The following ST14 variants were observed in gnomAD, a reference collection of about 807,000 sequenced individuals.
ST14 encodes the protein suppressor of tumorigenicity 14 protein.
ST14 carries 40 observed loss-of-function variants against 96.5 expected under a neutral mutation model. The observed-to-expected ratio is 0.41, with a 90% CI of 0.32 to 0.54. The LOEUF (loss-of-function observed/expected upper bound fraction) is 0.54, where lower values mean the gene tolerates loss of function less well. Ranked by LOEUF, ST14 falls within the 20% of genes least tolerant of loss-of-function variation. The pLI is 0.17. For synonymous variants in ST14, 506 were observed against 492.1 expected (o/e 1.03, Z -0.37); for missense variants, 1,066 against 1,188.9 (o/e 0.90, Z 1.52).
chr11:130,186,511 G>A (rs904907456), intron 1 of ST14, among the ~76,000 whole-genome samples: 2 of 152,194 alleles, frequency 1.3e-5, no homozygotes, highest in African/African-American at 4.8e-5. Flanking sequence ...ACATGTAGAA[G>A]ATTGAGAAGA....
intron 16 of ST14, among the ~76,000 whole-genome samples, chr11:130,200,598 G>T (rs1193087079): frequency 2.6e-5 from 4 of 152,188 alleles, no homozygotes; most frequent in Non-Finnish European, 5.9e-5. Context: ...CAACACTGGG[G>T]ATCCCATTTC....
chr11:130,192,904 T>A (rs574670940), intron 7 of ST14, among the ~76,000 whole-genome samples: 43 of 152,306 alleles, frequency 2.8e-4, no homozygotes, highest in African/African-American at 9.9e-4. Context: ...GTGAGCAGTG[T>A]GGACTCTGGA....
chr11:130,169,198 G>A (rs561508652), intron 1 of ST14, among the ~76,000 whole-genome samples: 1 of 148,304 alleles, frequency 6.7e-6, no homozygotes, highest in Non-Finnish European at 1.5e-5. Context: ...TGGTTCAAGC[G>A]ATTCTCCTGC....
Position 130,181,406 on chromosome 11 carries a change from A to G in ST14, c.82-6708A>G, listed in dbSNP as rs1035128623. On this transcript the variant is annotated intron_variant, in intron 1 of 18. Transcript: ENST00000278742. The surrounding 1 kb of genome is among the most constrained non-coding windows in gnomAD (Gnocchi z 4.1). ...CTAACTACAGTGGGCCAGCAGGAAG[A>G]GGCTGTGATATTTACATGGCCTCTA... Among the ~76,000 whole-genome samples, 2 of 152,188 alleles carry G rather than the reference A, an allele frequency of 1.3e-5. No individual in the cohort carries two copies. The highest frequency in any genetic ancestry group is 2.9e-5 in the Non-Finnish European group (2 of 68,034).
At chr11:130,197,451 G>A (rs893902738) in intron 11 of ST14, among the ~76,000 whole-genome samples, 2 of 152,292 alleles carry the variant, frequency 1.3e-5, no homozygotes, top group African/African-American at 2.4e-5. Context: ...CACATCACAT[G>A]CATCGGGGAC....
Position 130,209,566 on chromosome 11 carries a change from G to A in ST14, c.2394G>A (p.Val798=). The part of the protein sequence containing the change: ...MMCVGFLSGG[V]DSCQGDSGGP... The stretch of plus-strand genomic sequence containing the variant: ...GCGTGGGCTTCCTCAGCGGCGGCGT[G>A]GACTCCTGCCAGGTGGCCCCCGGGG... Residue 798 remains valine, a synonymous_variant, in exon 18 of 19, where the codon GTG becomes GTA. Transcript: ENST00000278742. 6.3e-7 allele frequency: 1 copy of A among 1,576,562 alleles called. No homozygotes were observed.
At chr11:130,194,764 G>C in intron 9 of ST14, 27 bp downstream of exon 9, 1 of 1,606,236 alleles carries the variant, frequency 6.2e-7, no homozygotes, top group Non-Finnish European at 8.5e-7. Flanking sequence ...GTGTGAACGT[G>C]TGTGTGTGTG....
intron 1 of ST14, among the ~76,000 whole-genome samples, chr11:130,164,163 G>C (rs1379915454): frequency 6.6e-6 from 1 of 152,198 alleles, no homozygotes; most frequent in East Asian, 1.9e-4. Flanking sequence ...TCCCCTGGGA[G>C]CCCAGGTCCT....
At position 130,188,818 on chromosome 11, in the gene ST14, G is replaced by A; in HGVS notation, c.370-51G>A. ...AGGGGAGGGAGCAGCCCGGGCTTGG[G>A]GCAGGGTCATCGCCGCATGGGGCTC... On this transcript the variant is annotated intron_variant, in intron 3 of 18. Coordinates refer to ENST00000278742, the MANE Select transcript of ST14 (RefSeq NM_021978.4). The surrounding 1 kb of genome is among the most constrained non-coding windows in gnomAD (Gnocchi z 5.4). 2 of 1,605,844 alleles carry A rather than the reference G, an allele frequency of 1.2e-6. No homozygotes were observed. The highest frequency in any genetic ancestry group is 1.7e-6 in the Non-Finnish European group (2 of 1,175,724).
intron 1 of ST14, among the ~76,000 whole-genome samples, chr11:130,171,658 C>T (rs1953093316): frequency 6.6e-6 from 1 of 152,164 alleles, no homozygotes; most frequent in Admixed American, 6.5e-5. Context: ...TTTATTGATG[C>T]AATTTCAATC....
In ST14 at chr11:130,186,619, T is replaced by C. The variant is rs1953240398; in HGVS notation, c.82-1495T>C. ...TCACAGCAGGAAAAACAAAGACATA[T>C]ACAAAGAAAGGAAATATAATAGTGA... is the stretch of plus-strand genomic sequence containing the variant. On this transcript the variant is annotated intron_variant, in intron 1 of 18. Coordinates refer to ENST00000278742, the MANE Select transcript of ST14 (RefSeq NM_021978.4). 2.0e-5 allele frequency among the ~76,000 whole-genome samples: 3 copies of C among 151,982 alleles called. No homozygotes were observed. The South Asian group carries it at 6.2e-4, about 31-fold the overall frequency.
At position 130,208,633 on chromosome 11, in the gene ST14, C is replaced by T. The variant is rs754225370; in HGVS notation, c.2218C>T (p.Pro740Ser). The T allele has an allele frequency of 3.1e-6, 5 of 1,613,934 alleles. No individual in the cohort carries two copies. In the Admixed American group the frequency reaches 5.0e-5, roughly 16 times the overall value. ...ICLPDASHVF[P>S]AGKAIWVTGW... is the part of the protein sequence containing the mutation. Reference sequence around the variant, plus strand: ...CCTGCCGGACGCCTCCCATGTCTTCCCTGCCGGCAAGGCCATCTGGGTCAC... The same window carrying T: ...CCTGCCGGACGCCTCCCATGTCTTCTCTGCCGGCAAGGCCATCTGGGTCAC... Residue 740 changes from proline (P) to serine (S), a missense_variant, in exon 17 of 19, where the codon CCT (proline) becomes TCT (serine). By Grantham distance (74) the Pro-to-Ser change is moderately conservative. Coordinates refer to ENST00000278742, the MANE Select transcript of ST14 (RefSeq NM_021978.4).
intron 1 of ST14, among the ~76,000 whole-genome samples, chr11:130,184,641 T>C (rs2136210058): frequency 6.6e-6 from 1 of 152,182 alleles, no homozygotes; most frequent in African/African-American, 2.4e-5. Context: ...AGAAAGGACA[T>C]TGTTAGAAAT....
Position 130,181,120 on chromosome 11 carries a change from C to T in ST14, c.82-6994C>T, listed in dbSNP as rs1438696183. Among the ~76,000 whole-genome samples the T allele has an allele frequency of 6.7e-6, 1 of 150,372 alleles. No individual in the cohort carries two copies. Among genetic ancestry groups the T allele is most frequent in the Non-Finnish European group, 1.5e-5 (1 of 67,672 alleles). On this transcript the variant is annotated intron_variant, in intron 1 of 18. Coordinates refer to ENST00000278742, the MANE Select transcript of ST14 (RefSeq NM_021978.4). The surrounding 1 kb of genome is among the most constrained non-coding windows in gnomAD (Gnocchi z 4.1). The stretch of plus-strand genomic sequence containing the variant: ...TGGGATGGCGGTGGTCTGATTTTGT[C>T]CCTGCTGGGTGGGATGGCGGTGGTC...
chr11:130,199,892 T>C, intron 15 of ST14, 59 bp from the exon 16 acceptor site: 5 of 1,602,870 alleles, frequency 3.1e-6, no homozygotes, highest in Non-Finnish European at 4.3e-6. Context: ...GCATGTCCCC[T>C]TGTGGTTTGA....
At chr11:130,165,893 A>G (rs1953037319) in intron 1 of ST14, among the ~76,000 whole-genome samples, 1 of 152,220 alleles carries the variant, frequency 6.6e-6, no homozygotes, top group Non-Finnish European at 1.5e-5. Context: ...AGAGCCTGGG[A>G]GCTCACCACC....
Position 130,210,129 on chromosome 11 carries a change from G to C in ST14, c.*306G>C. The C allele has an allele frequency of 2.8e-6, 1 of 353,516 alleles. No individual in the cohort carries two copies. The highest frequency in any genetic ancestry group is 3.5e-5 in the South Asian group (1 of 28,776). The allele number at this position is 353,516 out of a possible 1,614,324, so 21.9% of individuals were successfully genotyped here. A position where few individuals can be genotyped will look rare whatever the true frequency, so the allele number is the denominator to read the frequency against. On this transcript the variant is annotated 3_prime_UTR_variant, in exon 19 of 19. Transcript: ENST00000278742. ...GGCCGAGGCGCGTTTGTGCATATCT[G>C]CCTCCCCTGTCTCTAAGGAGCAGCG...
chr11:130,189,067 C>A, intron 4 of ST14, 128 bp downstream of exon 4: 2 of 989,294 alleles, frequency 2.0e-6, no homozygotes, highest in Non-Finnish European at 3.1e-6. Flanking sequence ...CAAGGAGGGT[C>A]CTCGCTGTGT....
At chr11:130,205,216 T>C (rs1039250462) in intron 16 of ST14, among the ~76,000 whole-genome samples, 8 of 152,074 alleles carry the variant, frequency 5.3e-5, no homozygotes, top group Admixed American at 2.6e-4. Context: ...AACCTCTGCC[T>C]CCCGGCTTCA....
Sources: gnomAD v4.1 joint callset for allele counts (sites outside exome capture counted in the v4.1 genomes callset) on GRCh38, gnomAD v4.1.1 for gene constraint, Gnocchi (gnomAD v3.1) non-coding constraint, MANE v1.5 for transcripts, NCBI Gene and HGNC (gene_info 2026-07-23, HGNC 2026-07-21) for gene names.